The following ZFHX3 variants were observed in gnomAD, a reference collection of about 807,000 sequenced individuals.
ZFHX3 encodes zinc finger homeobox 3, also known as zinc finger homeobox protein 3.
A neutral mutation model predicts 279.1 loss-of-function variants in ZFHX3; 42 were observed. The observed-to-expected ratio is 0.15, with a 90% CI of 0.12 to 0.19. ZFHX3 has a LOEUF of 0.19. ZFHX3 is among the 10% of genes least tolerant of loss of function. The pLI, the probability that ZFHX3 is intolerant of heterozygous loss-of-function variation, is 1.00. For missense variants in ZFHX3, 4,981 were observed against 4,754.0 expected (o/e 1.05, Z -1.40); for synonymous variants, 2,293 against 1,957.8 (o/e 1.17, Z -4.52).
chr16:73,797,507 G>C (rs1183826227), intron 1 of ZFHX3, among the ~76,000 whole-genome samples: 1 of 152,182 alleles, frequency 6.6e-6, no homozygotes, highest in Admixed American at 6.5e-5. Context: ...GTTCCGCAGA[G>C]GTTTAGGCCC....
At chr16:73,276,962 C>G (rs1391447443) in intron 4 of ZFHX3, among the ~76,000 whole-genome samples, 1 of 152,204 alleles carries the variant, frequency 6.6e-6, no homozygotes, top group Non-Finnish European at 1.5e-5. Flanking sequence ...TAGAACAGGT[C>G]AGACATGGAC....
intron 3 of ZFHX3, among the ~76,000 whole-genome samples, chr16:72,914,697 A>C (rs1029798437): frequency 1.1e-4 from 17 of 152,060 alleles, no homozygotes; most frequent in African/African-American, 4.1e-4. Flanking sequence ...ACCCAAAAGA[A>C]TAACATAGGC....
At chr16:73,539,346 G>T (rs1181433264) in intron 2 of ZFHX3, among the ~76,000 whole-genome samples, 2 of 147,910 alleles carry the variant, frequency 1.4e-5, no homozygotes, top group African/African-American at 4.9e-5. Flanking sequence ...TCTCCTGCAA[G>T]CCCCCAACCC....
Position 73,823,645 on chromosome 16 carries a change from G to T in ZFHX3, c.-1608+68006C>A, listed in dbSNP as rs557770915. ...ATTCATTTACGCATTGTCTAGGGCT[G>T]CTTTGGCGCTACAATGGCAGAATGG... is the stretch of plus-strand genomic sequence containing the variant. On this transcript the variant is annotated intron_variant, in intron 1 of 17. Coordinates refer to the ZFHX3 transcript ENST00000641206. Among the ~76,000 whole-genome samples the T allele has an allele frequency of 7.4e-5, 11 of 148,252 alleles. No individual in the cohort carries two copies. The South Asian group carries it at 2.3e-3, about 31-fold the overall frequency.
intron 2 of ZFHX3, among the ~76,000 whole-genome samples, chr16:73,562,446 A>G (rs2143791318): frequency 6.6e-6 from 1 of 152,132 alleles, no homozygotes; most frequent in Middle Eastern, 3.4e-3. Context: ...ATACATAAAA[A>G]TTAGCTGGGC....
intron 1 of ZFHX3, among the ~76,000 whole-genome samples, chr16:73,743,957 G>A (rs981902944): frequency 1.3e-5 from 2 of 152,072 alleles, no homozygotes; most frequent in East Asian, 1.9e-4. Context: ...TAAGGATCCA[G>A]AATGACATCC....
At chr16:73,888,457 T>A (rs907464) in intron 1 of ZFHX3, among the ~76,000 whole-genome samples, 109,220 of 152,060 alleles carry the variant, frequency 0.72, 39,908 homozygotes, top group Non-Finnish European at 0.78. Flanking sequence ...TAAAGATGGG[T>A]GTGGCAACAC....
intron 3 of ZFHX3, among the ~76,000 whole-genome samples, chr16:72,909,675 G>A (rs986159505): frequency 9.9e-5 from 15 of 152,020 alleles, no homozygotes; most frequent in African/African-American, 3.1e-4. Context: ...TCAGGAGTTC[G>A]AGACCAGCCT....
At chr16:72,889,344 A>T (rs1268726761) in intron 4 of ZFHX3, among the ~76,000 whole-genome samples, 1 of 152,190 alleles carries the variant, frequency 6.6e-6, no homozygotes, top group Non-Finnish European at 1.5e-5. Flanking sequence ...TGTCAATTTG[A>T]ACCAATAAAT....
At chr16:73,626,015 G>A (rs565520497) in intron 2 of ZFHX3, among the ~76,000 whole-genome samples, 1 of 152,150 alleles carries the variant, frequency 6.6e-6, no homozygotes, top group Non-Finnish European at 1.5e-5. Context: ...CCACCACCAC[G>A]CCTGGCTAAT....
chr16:73,102,979 T>C (rs1047383459), intron 7 of ZFHX3, among the ~76,000 whole-genome samples: 3 of 152,078 alleles, frequency 2.0e-5, no homozygotes, highest in Non-Finnish European at 4.4e-5. Context: ...AGCTGGAGTG[T>C]GGTGGTGCAA....
intron 1 of ZFHX3, among the ~76,000 whole-genome samples, chr16:73,797,014 C>G (rs1175638921): frequency 6.6e-6 from 1 of 151,754 alleles, no homozygotes; most frequent in East Asian, 1.9e-4. Flanking sequence ...CCAGCCTGGC[C>G]AACATGGCGA....
chr16:72,887,494 G>A (rs185792670), intron 4 of ZFHX3, among the ~76,000 whole-genome samples: 204 of 152,204 alleles, frequency 1.3e-3, no homozygotes, highest in African/African-American at 4.8e-3. Context: ...ATGGAAGGTG[G>A]AGGGAGGAAG....
At chr16:73,235,332 G>T (rs2012909108) in intron 5 of ZFHX3, among the ~76,000 whole-genome samples, 1 of 152,198 alleles carries the variant, frequency 6.6e-6, no homozygotes, top group Non-Finnish European at 1.5e-5. Flanking sequence ...GCCTCCCAAA[G>T]TGCTGGGACT....
intron 4 of ZFHX3, among the ~76,000 whole-genome samples, chr16:73,290,803 T>G (rs1045433363): frequency 9.2e-5 from 14 of 152,190 alleles, no homozygotes; most frequent in African/African-American, 3.4e-4. Context: ...AGTTCCCAGA[T>G]AGCTTGGGGG....
intron 1 of ZFHX3, among the ~76,000 whole-genome samples, chr16:73,740,930 G>C (rs1181601401): frequency 6.6e-6 from 1 of 151,970 alleles, no homozygotes; most frequent in Admixed American, 6.6e-5. Context: ...ATTATGAGAT[G>C]GCCAAAGTAT....
At chr16:72,816,384 T>C (rs564997402) in intron 5 of ZFHX3, among the ~76,000 whole-genome samples, 2 of 152,120 alleles carry the variant, frequency 1.3e-5, no homozygotes, top group South Asian at 4.1e-4. Flanking sequence ...GATAAAAATG[T>C]GGTAAGGAAT....
intron 7 of ZFHX3, among the ~76,000 whole-genome samples, chr16:73,100,001 T>C (rs1258506009): frequency 6.6e-6 from 1 of 152,090 alleles, no homozygotes; most frequent in African/African-American, 2.4e-5. Flanking sequence ...CATCTCACTA[T>C]GGGTATCAGC....
At chr16:73,211,816 C>T (rs965051330) in intron 5 of ZFHX3, among the ~76,000 whole-genome samples, 13 of 151,726 alleles carry the variant, frequency 8.6e-5, no homozygotes, top group African/African-American at 2.9e-4. Context: ...TTTTGTGAAC[C>T]AGGAGTCTTG....
Sources: allele counts gnomAD v4.1 joint callset (sites outside exome capture counted in the v4.1 genomes callset), GRCh38; gene constraint gnomAD v4.1.1; transcripts MANE v1.5; gene names NCBI Gene and HGNC (gene_info 2026-07-23, HGNC 2026-07-21).